Variants in LVRN observed in about 807,000 individuals in gnomAD.
LVRN encodes the protein aminopeptidase Q.
A neutral mutation model predicts 111.4 loss-of-function variants in LVRN; 99 were observed. That is an observed-to-expected ratio of 0.89 (90% CI 0.76 to 1.05). The LOEUF is 1.05. Ranked by LOEUF, LVRN falls within the 50% of genes least tolerant of loss-of-function variation. The pLI is 0.00. For missense variants in LVRN, 1,414 were observed against 1,206.8 expected (o/e 1.17, Z -2.54); for synonymous variants, 488 against 449.5 (o/e 1.09, Z -1.08).
chr5:115,980,280 C>T (rs901483656), intron 1 of LVRN, among the ~76,000 whole-genome samples: 18 of 151,720 alleles, frequency 1.2e-4, no homozygotes, highest in African/African-American at 4.4e-4. Context: ...AAGGAAACAC[C>T]ACTGTGAGGT....
At chr5:116,016,843 C>G (rs1479995298) in intron 18 of LVRN, among the ~76,000 whole-genome samples, 2 of 149,948 alleles carry the variant, frequency 1.3e-5, no homozygotes, top group Admixed American at 1.3e-4. Flanking sequence ...TTCCAACCCT[C>G]TCATTTGGTT....
intron 3 of LVRN, among the ~76,000 whole-genome samples, chr5:115,985,983 G>A (rs1241763059): frequency 1.3e-5 from 2 of 152,172 alleles, no homozygotes; most frequent in African/African-American, 2.4e-5. Context: ...AGCTGTGGGT[G>A]AGCCAAGCCC....
chr5:116,000,496 A>G lies in LVRN; in HGVS notation c.1579A>G (p.Lys527Glu). 1 of 1,614,132 alleles carries G rather than the reference A, an allele frequency of 6.2e-7. No individual in the cohort carries two copies. ...TGAGCATTTATTTGTCAGTGCACTC[A>G]AGGTGAGTTTGCAAAATAGTCGTTA... Reference protein sequence around the residue: ...LNEHLFVSALKSYLKTFSYSN... With the variant: ...LNEHLFVSALESYLKTFSYSN... The change falls in exon 8 of 20, where the codon AAG becomes GAG. Residue 527 changes from lysine to glutamate, a missense_variant and splice_region_variant. Lys to Glu is a moderately conservative substitution (Grantham distance 56). Coordinates refer to ENST00000357872, the MANE Select transcript of LVRN (RefSeq NM_173800.5).
intron 1 of LVRN, among the ~76,000 whole-genome samples, chr5:115,972,905 A>G (rs138164559): frequency 4.6e-5 from 7 of 150,750 alleles, no homozygotes; most frequent in Admixed American, 2.0e-4. Context: ...AATTACATTG[A>G]TTTTCTAATG....
chr5:116,003,203 A>T lies in LVRN; in HGVS notation c.1898-38A>T, dbSNP rs751401794. Reference sequence around the variant, plus strand: ...TTAATAGGTATTAAGATCTTTTTTAAATGTACCATTTCAAATTATTCCCAT... The same window carrying T: ...TTAATAGGTATTAAGATCTTTTTTATATGTACCATTTCAAATTATTCCCAT... On this transcript the variant is annotated intron_variant, in intron 11 of 19. Transcript: ENST00000357872. 7 of 1,520,842 alleles carry T rather than the reference A, an allele frequency of 4.6e-6. No homozygotes were observed. In the South Asian group the frequency reaches 8.6e-5, roughly 19 times the overall value. The allele number at this position is 1,520,842 out of a possible 1,614,324, so 94.2% of individuals were successfully genotyped here.
At chr5:116,010,487 T>C (rs941929479) in intron 13 of LVRN, 31 of 536,480 alleles carry the variant, frequency 5.8e-5, no homozygotes, top group Non-Finnish European at 1.1e-4. Flanking sequence ...TAATAATCAG[T>C]CCAACATTTG....
At chr5:116,005,570 G>A (rs1005113923) in intron 12 of LVRN, among the ~76,000 whole-genome samples, 1 of 152,198 alleles carries the variant, frequency 6.6e-6, no homozygotes, top group African/African-American at 2.4e-5. Context: ...TAATTTGGAT[G>A]TTGTAATACA....
At chr5:116,001,356 T>C in intron 10 of LVRN, 117 bp downstream of exon 10, 6 of 1,193,116 alleles carry the variant, frequency 5.0e-6, no homozygotes, top group Non-Finnish European at 7.3e-6. Flanking sequence ...ACTTCTGCAA[T>C]GTGACTGTGT....
intron 10 of LVRN, among the ~76,000 whole-genome samples, chr5:116,002,037 A>T (rs1748248150): frequency 6.6e-6 from 1 of 152,208 alleles, no homozygotes; most frequent in Non-Finnish European, 1.5e-5. Context: ...ATTAATTTTC[A>T]AATACAATCA....
At chr5:115,963,521 A>G (rs1753137458) in intron 1 of LVRN, among the ~76,000 whole-genome samples, 1 of 152,172 alleles carries the variant, frequency 6.6e-6, no homozygotes, top group Admixed American at 6.5e-5. Flanking sequence ...GGTTTGTTAC[A>G]TATGTATACG....
intron 1 of LVRN, chr5:115,975,085 C>A (rs974013381): frequency 3.8e-5 from 13 of 342,666 alleles, no homozygotes; most frequent in South Asian, 1.2e-4. Flanking sequence ...TAATGGCAAC[C>A]AGATCCAGTG....
chr5:116,009,438 A>C (rs1748442838), intron 13 of LVRN, among the ~76,000 whole-genome samples: 1 of 152,182 alleles, frequency 6.6e-6, no homozygotes, highest in East Asian at 1.9e-4. Flanking sequence ...CTTATTATTT[A>C]AGAAATACAT....
rs1240191346 is a variant in LVRN at position 115,992,018 on chromosome 5, C to A, written c.1106-105C>A. On this transcript the variant is annotated intron_variant, in intron 4 of 19. Coordinates refer to ENST00000357872, the MANE Select transcript of LVRN (RefSeq NM_173800.5). ...TCTCTCCGTTCAGGTTATAAATATT[C>A]CCTTGAATTTTTTGGTAATTTTATG... The A allele has an allele frequency of 1.3e-5, 14 of 1,077,346 alleles. No homozygotes were observed. In the East Asian group the frequency reaches 3.3e-4, roughly 25 times the overall value. 66.7% of individuals were successfully genotyped at this position (1,077,346 alleles called of 1,614,324 possible). A position where few individuals can be genotyped will look rare whatever the true frequency, so the allele number is the denominator to read the frequency against.
At position 115,963,244 on chromosome 5, in the gene LVRN, G is replaced by A. The variant is rs747389258; in HGVS notation, c.627G>A (p.Ser209=). 1 of 1,612,754 alleles carries A rather than the reference G, an allele frequency of 6.2e-7. No individual in the cohort carries two copies. Among genetic ancestry groups the A allele is most frequent in the Non-Finnish European group, 8.5e-7 (1 of 1,179,890 alleles). Reference sequence around the variant, plus strand: ...GCTACGAGCTGCAGCTTAGCTTCTCGGGCCTGGTGAAGGAAGACCTCAGGG... The same window carrying A: ...GCTACGAGCTGCAGCTTAGCTTCTCAGGCCTGGTGAAGGAAGACCTCAGGG... The part of the protein sequence containing the change: ...GSSYELQLSF[S]GLVKEDLREG... Residue 209 remains serine (S), a synonymous_variant, in exon 1 of 20, where the codon TCG becomes TCA. Coordinates refer to ENST00000357872, the MANE Select transcript of LVRN (RefSeq NM_173800.5).
chr5:115,992,000 G>T (rs145356217), intron 4 of LVRN, 123 bp from the exon 5 acceptor site: 11 of 887,260 alleles, frequency 1.2e-5, no homozygotes, highest in Non-Finnish European at 1.8e-5. Context: ...CCTTCTCTCC[G>T]TTCAGGTTAT....
rs188697071 is a variant in LVRN, at chr5:116,001,270, C to A, written c.1820+31C>A. 3.7e-6 allele frequency: 6 copies of A among 1,609,720 alleles called. No individual in the cohort carries two copies. The East Asian group carries it at 1.3e-4, about 36-fold the overall frequency. On this transcript the variant is annotated intron_variant, in intron 10 of 19. Coordinates refer to ENST00000357872, the MANE Select transcript of LVRN (RefSeq NM_173800.5). ...TAGCTTTGCTCCTCTTTGTCTTCACCTTCCTTGGGGTTGAGCTCTGACCCA... is the reference window on the plus strand; with the variant it reads ...TAGCTTTGCTCCTCTTTGTCTTCACATTCCTTGGGGTTGAGCTCTGACCCA...
chr5:116,010,543 C>A (rs1057280940), intron 13 of LVRN, 198 bp from the exon 14 acceptor site: 2 of 637,950 alleles, frequency 3.1e-6, no homozygotes, highest in African/African-American at 1.8e-5. Context: ...CTTGAAAGTA[C>A]CAAATTGAAA....
chr5:116,021,645 T>C, intron 18 of LVRN: 1 of 395,850 alleles, frequency 2.5e-6, no homozygotes, highest in Non-Finnish European at 4.9e-6. Context: ...ACTATTCAAC[T>C]GTCTCTTGGT....
intron 6 of LVRN, among the ~76,000 whole-genome samples, chr5:115,996,747 C>T (rs895148491): frequency 2.0e-5 from 3 of 152,134 alleles, no homozygotes; most frequent in Admixed American, 1.3e-4. Context: ...CCTCCACCTT[C>T]CTGCTGCCTG....
Sources: gnomAD v4.1 joint callset for allele counts (sites outside exome capture counted in the v4.1 genomes callset) on GRCh38, gnomAD v4.1.1 for gene constraint, MANE v1.5 for transcripts, NCBI Gene and HGNC (gene_info 2026-07-23, HGNC 2026-07-21) for gene names.